TAFA2: variants seen among roughly 807,000 people sequenced by gnomAD.
TAFA2 encodes the protein TAFA chemokine like family member 2.
In TAFA2, 7 loss-of-function variants were observed where a neutral mutation model predicts 18.8. The ratio of observed to expected loss-of-function variants is 0.37; its 90% confidence interval spans 0.21 to 0.70. The LOEUF (loss-of-function observed/expected upper bound fraction) is 0.70. Ranked by LOEUF, TAFA2 falls within the 30% of genes least tolerant of loss-of-function variation. The pLI is 0.53. For missense variants in TAFA2, 122 were observed against 158.1 expected (o/e 0.77, Z 1.23); for synonymous variants, 60 against 54.2 (o/e 1.11, Z -0.47).
chr12:61,997,191 G>GTA (rs763945776), intron 1 of TAFA2, among the ~76,000 whole-genome samples: 34 of 150,702 alleles, frequency 2.3e-4, no homozygotes, highest in East Asian at 5.9e-4. Context: ...GTGTGTGTGT[G>GTA]TATATATATA....
In TAFA2 at chr12:61,843,579, C is replaced by T. The variant is rs1873280314; in HGVS notation, c.106+23741G>A. Among the ~76,000 whole-genome samples the T allele has an allele frequency of 2.6e-5, 4 of 152,016 alleles. No individual in the cohort carries two copies. In the South Asian group the frequency reaches 8.3e-4, roughly 31 times the overall value. The stretch of plus-strand genomic sequence containing the variant: ...GATGTGAAGCCTGGAAAAAAGAGAT[C>T]TCAAAGATGAGAAGATGAGAGTCTG... On this transcript the variant is annotated intron_variant, in intron 2 of 4. Coordinates refer to ENST00000416284, the MANE Select transcript of TAFA2 (RefSeq NM_178539.5).
At chr12:62,238,447 C>T (rs76985874) in intron 1 of TAFA2, among the ~76,000 whole-genome samples, 2,440 of 152,308 alleles carry the variant, frequency 0.016, 24 homozygotes, top group Middle Eastern at 0.051. Flanking sequence ...ATGTGCCAGG[C>T]ACTGTGCTAA....
At chr12:61,736,674 T>A (rs1868309647) in intron 4 of TAFA2, among the ~76,000 whole-genome samples, 1 of 151,936 alleles carries the variant, frequency 6.6e-6, no homozygotes, top group Non-Finnish European at 1.5e-5. Flanking sequence ...TCCTGTTGAG[T>A]TTATCCTGGA....
At chr12:61,989,648 C>T (rs1338976555) in intron 1 of TAFA2, among the ~76,000 whole-genome samples, 3 of 152,128 alleles carry the variant, frequency 2.0e-5, no homozygotes, top group African/African-American at 7.2e-5. Context: ...GCCACTTCTT[C>T]CCCCACTCCC....
chr12:61,940,700 A>G (rs751822276), intron 1 of TAFA2, among the ~76,000 whole-genome samples: 35 of 152,192 alleles, frequency 2.3e-4, no homozygotes, highest in Admixed American at 5.9e-4. Context: ...GTGCAGGTGA[A>G]GCTAGCAATG....
intron 1 of TAFA2, among the ~76,000 whole-genome samples, chr12:62,114,815 A>G (rs1196967866): frequency 1.3e-5 from 2 of 152,218 alleles, no homozygotes; most frequent in Non-Finnish European, 2.9e-5. Flanking sequence ...GCACATTTAT[A>G]CAAAGTCTCA....
At chr12:62,093,024 A>G (rs1282288849) in intron 1 of TAFA2, among the ~76,000 whole-genome samples, 1 of 152,030 alleles carries the variant, frequency 6.6e-6, no homozygotes, top group African/African-American at 2.4e-5. Context: ...TTTTTAGTCC[A>G]TTCGCATCTT....
rs61403563 is a variant in TAFA2, at chr12:61,743,002, G to A, written c.384+10620C>T. ...CTCTCCTGCTTGATTAAGGTTCTTC[G>A]ATGATTCACCACTGCATGGAGAAAA... On this transcript the variant is annotated intron_variant, in intron 4 of 4. Transcript: ENST00000416284. Among the ~76,000 whole-genome samples, 647 of 151,836 alleles carry A rather than the reference G, an allele frequency of 4.3e-3. 4 individuals are homozygous for A. The highest frequency in any genetic ancestry group is 0.015 in the African/African-American group (630 of 41,408).
At chr12:61,981,128 G>C (rs983018379) in intron 1 of TAFA2, among the ~76,000 whole-genome samples, 31 of 152,024 alleles carry the variant, frequency 2.0e-4, no homozygotes, top group African/African-American at 7.2e-4. Flanking sequence ...GAATGGAACA[G>C]AACAGAGGCC....
At chr12:62,100,893 G>T (rs953998962) in intron 1 of TAFA2, among the ~76,000 whole-genome samples, 4 of 152,176 alleles carry the variant, frequency 2.6e-5, no homozygotes, top group Admixed American at 2.6e-4. Context: ...CACAGAAATT[G>T]AGGAAACTGA....
intron 1 of TAFA2, among the ~76,000 whole-genome samples, chr12:62,146,490 T>C (rs1182803253): frequency 6.6e-6 from 1 of 151,936 alleles, no homozygotes; most frequent in Non-Finnish European, 1.5e-5. Context: ...TCATGTTGCC[T>C]AGGCTGCCAC....
chr12:61,763,302 A>G (rs1174180554), intron 2 of TAFA2, among the ~76,000 whole-genome samples: 2 of 152,068 alleles, frequency 1.3e-5, no homozygotes, highest in Non-Finnish European at 2.9e-5. Context: ...CCACTAAAGA[A>G]AGGATAATAT....
rs1332418854 is a variant in TAFA2, at chr12:62,174,296, C to T, written c.-2+16963G>A. On this transcript the variant is annotated intron_variant, in intron 1 of 4. Transcript: ENST00000416284. ...GCACCACTGCCCTCCAGCTGGGCGA[C>T]AGGGTGAGACCCAGACTCAAAAAAA... Among the ~76,000 whole-genome samples the T allele has an allele frequency of 2.0e-5, 3 of 151,796 alleles. No homozygotes were observed. In the East Asian group the frequency reaches 5.8e-4, roughly 29 times the overall value.
At chr12:62,078,700 G>A (rs1327487332) in intron 1 of TAFA2, among the ~76,000 whole-genome samples, 1 of 152,194 alleles carries the variant, frequency 6.6e-6, no homozygotes, top group Non-Finnish European at 1.5e-5. Flanking sequence ...TGGGGAGCTG[G>A]CACCAGGATC....
At chr12:61,896,632 G>T (rs922336929) in intron 1 of TAFA2, among the ~76,000 whole-genome samples, 1 of 152,132 alleles carries the variant, frequency 6.6e-6, no homozygotes, top group Non-Finnish European at 1.5e-5. Context: ...CTATTTGCCT[G>T]TACCTTACAT....
chr12:62,175,135 T>A (rs145854689), intron 1 of TAFA2, among the ~76,000 whole-genome samples: 367 of 152,352 alleles, frequency 2.4e-3, no homozygotes, highest in African/African-American at 8.0e-3. Flanking sequence ...ATTGGATCAA[T>A]GCTTATGTAA....
rs74096152 is a variant in TAFA2, at chr12:61,983,169, T to C, written c.-1-115743A>G. ...GTGCTGGAATATGACATATTTTCTA[T>C]GGAACATCCTATTTTCCTTTACAAT... On this transcript the variant is annotated intron_variant, in intron 1 of 4. Transcript: ENST00000416284. Among the ~76,000 whole-genome samples the C allele has an allele frequency of 4.3e-3, 658 of 152,258 alleles. 4 individuals carry two copies. Among genetic ancestry groups the C allele is most frequent in the African/African-American group, 0.015 (635 of 41,566 alleles).
At chr12:62,145,114 A>G (rs2062271160) in intron 1 of TAFA2, among the ~76,000 whole-genome samples, 1 of 152,196 alleles carries the variant, frequency 6.6e-6, no homozygotes, top group Admixed American at 6.5e-5. Flanking sequence ...TGTCCAATCT[A>G]ATGTTCCAGT....
At chr12:61,764,688 CT>C (rs961099633) in intron 2 of TAFA2, among the ~76,000 whole-genome samples, 7 of 152,158 alleles carry the variant, frequency 4.6e-5, no homozygotes, top group Non-Finnish European at 1.0e-4. Flanking sequence ...TGAAGACAAT[CT>C]TTTAAACCTT....
Sources: gnomAD v4.1 joint callset for allele counts (sites outside exome capture counted in the v4.1 genomes callset) on GRCh38, gnomAD v4.1.1 for gene constraint, MANE v1.5 for transcripts, NCBI Gene and HGNC (gene_info 2026-07-23, HGNC 2026-07-21) for gene names.